Variants in BRCA2 observed in about 807,000 individuals in gnomAD.
BRCA2 encodes the protein breast cancer type 2 susceptibility protein.
A neutral mutation model predicts 276.7 loss-of-function variants in BRCA2; 203 were observed. The observed-to-expected ratio is 0.73, with a 90% CI of 0.65 to 0.82. The LOEUF is 0.82. BRCA2 is among the 40% of genes least tolerant of loss of function. The pLI is 0.00. For synonymous variants in BRCA2, 1,289 were observed against 1,338.4 expected (o/e 0.96, Z 0.81); for missense variants, 3,920 against 3,915.0 (o/e 1.00, Z -0.03).
intron 2 of BRCA2, among the ~76,000 whole-genome samples, chr13:32,318,737 C>T (rs1051231640): frequency 1.3e-5 from 2 of 151,988 alleles, no homozygotes; most frequent in East Asian, 1.9e-4. Flanking sequence ...CGCACCTGGC[C>T]GAATTTTATC....
chr13:32,364,136 T>C (rs998579073), intron 18 of BRCA2, among the ~76,000 whole-genome samples: 1 of 152,242 alleles, frequency 6.6e-6, no homozygotes, highest in Non-Finnish European at 1.5e-5. Context: ...CATGTTGGAT[T>C]GATTGCTTTT....
Position 32,398,353 on chromosome 13 carries a change from T to C in BRCA2, c.9840T>C (p.Pro3280=). ...ATTTCTTGAGTAGACTGCCTTTACC[T>C]CCACCTGTTAGTCCCATTTGTACAT... ...ALDFLSRLPL[P]PPVSPICTFV... Residue 3280 remains proline, a synonymous_variant, in exon 27 of 27, where the codon CCT becomes CCC. Coordinates refer to ENST00000380152, the MANE Select transcript of BRCA2 (RefSeq NM_000059.4). 6.2e-7 allele frequency: 1 copy of C among 1,614,118 alleles called. No homozygotes were observed. The highest frequency in any genetic ancestry group is 8.5e-7 in the Non-Finnish European group (1 of 1,180,008).
Position 32,338,699 on chromosome 13 carries a change from T to G in BRCA2, c.4344T>G (p.Asn1448Lys), listed in dbSNP as rs1064793724. The change falls in exon 11 of 27, where the codon AAT becomes AAG. Residue 1448 changes from asparagine to lysine, a missense_variant. Transcript: ENST00000380152. ...AAGAGTCATTTAATAAAATTGTAAA[T>G]TTCTTTGATCAGAAACCAGAAGAAT... ...VAKESFNKIV[N>K]FFDQKPEELH... is the part of the protein sequence containing the mutation. The G allele has an allele frequency of 6.3e-7, 1 of 1,591,940 alleles. No individual in the cohort carries two copies. The highest frequency in any genetic ancestry group is 1.7e-5 in the Admixed American group (1 of 57,630).
chr13:32,319,615 C>G (rs1265951581), intron 3 of BRCA2, among the ~76,000 whole-genome samples: 1 of 152,112 alleles, frequency 6.6e-6, no homozygotes, highest in Non-Finnish European at 1.5e-5. Context: ...AAACCTAGGA[C>G]TTGTTTTGAT....
rs565655451 is a variant in BRCA2 at position 32,358,062 on chromosome 13, T to C, written c.7805+133T>C. 1.5e-5 allele frequency: 14 copies of C among 913,792 alleles called. No homozygotes were observed. In the African/African-American group the frequency reaches 2.0e-4, roughly 13 times the overall value. The allele number at this position is 913,792 out of a possible 1,614,324, so 56.6% of individuals were successfully genotyped here. A position where few individuals can be genotyped will look rare whatever the true frequency, so the allele number is the denominator to read the frequency against. On this transcript the variant is annotated intron_variant, in intron 16 of 26. Transcript: ENST00000380152. ...ATGCATTTAATTGTTTTAAGTGCAT[T>C]ATGGTTAAGCATTCTGTAGAAGTCT...
chr13:32,382,648 A>G (rs1327147228), intron 24 of BRCA2, among the ~76,000 whole-genome samples: 1 of 152,230 alleles, frequency 6.6e-6, no homozygotes, highest in Non-Finnish European at 1.5e-5. Context: ...GAATATAGGC[A>G]TTTCAAGGAT....
intron 11 of BRCA2, 47 bp downstream of exon 11, chr13:32,341,243 AGT>A (rs772211953): frequency 6.2e-7 from 1 of 1,611,544 alleles, no homozygotes; most frequent in Non-Finnish European, 8.5e-7. Context: ...CTATTTTTAA[AGT>A]GTTTATTCAG....
rs1566241850 is a variant in BRCA2, at chr13:32,356,436, A to G, written c.7444A>G (p.Thr2482Ala). Residue 2482 changes from threonine to alanine, a missense_variant, in exon 15 of 27, where the codon ACA (threonine) becomes GCA (alanine). Thr to Ala is a moderately conservative substitution (Grantham distance 58, BLOSUM62 0). Around this residue, in one of 2 missense-constraint regions of BRCA2, gnomAD observed 3,263 missense variants for 3,156.9 expected, o/e 1.03. Coordinates refer to ENST00000380152, the MANE Select transcript of BRCA2 (RefSeq NM_000059.4). ...TATTTATTCTTTGATAGATTTAATT[A>G]CAAGTCTTCAGAATGCCAGAGATAT... ...KCEEEPLDLI[T>A]SLQNARDIQD... 2 of 1,613,362 alleles carry G rather than the reference A, an allele frequency of 1.2e-6. No homozygotes were observed. The highest frequency in any genetic ancestry group is 8.5e-7 in the Non-Finnish European group (1 of 1,179,294).
At chr13:32,385,853 C>G (rs186925419) in intron 24 of BRCA2, 1 of 161,592 alleles carries the variant, frequency 6.2e-6, no homozygotes, top group East Asian at 1.8e-4. Context: ...CAAAAGAAAT[C>G]TGATGTCAGT....
At chr13:32,315,896 G>T (rs1223024191) in intron 1 of BRCA2, among the ~76,000 whole-genome samples, 2 of 152,216 alleles carry the variant, frequency 1.3e-5, no homozygotes, top group Non-Finnish European at 2.9e-5. Flanking sequence ...CTCCGGCCCG[G>T]CCTTTGGGCT....
intron 20 of BRCA2, chr13:32,375,423 T>A: frequency 2.3e-6 from 1 of 443,384 alleles, no homozygotes; most frequent in Non-Finnish European, 4.5e-6. Flanking sequence ...TTGTTAATGT[T>A]GATATTTTGA....
Position 32,325,741 on chromosome 13 carries a change from C to T in BRCA2, c.426-360C>T, listed in dbSNP as rs206071. On this transcript the variant is annotated intron_variant, in intron 4 of 26. Coordinates refer to ENST00000380152, the MANE Select transcript of BRCA2 (RefSeq NM_000059.4). The stretch of plus-strand genomic sequence containing the variant: ...ATTTTTAGTAGAGACGGGGTTTCAC[C>T]GTGTTAGCTAGGATGGTCTCGATTT... Among the ~76,000 whole-genome samples the T allele has an allele frequency of 0.98, 148,769 of 152,030 alleles. 72,876 individuals are homozygous for T. The highest frequency in any genetic ancestry group is 1 in the East Asian group (5,157 of 5,158).
intron 21 of BRCA2, 110 bp downstream of exon 21, chr13:32,376,901 T>C (rs1208140674): frequency 6.9e-7 from 1 of 1,447,208 alleles, no homozygotes; most frequent in Non-Finnish European, 9.5e-7. Flanking sequence ...GCTGCATTTC[T>C]CAAAAGGGAT....
At chr13:32,370,865 T>C in intron 19 of BRCA2, 91 bp from the exon 20 acceptor site, 1 of 1,523,294 alleles carries the variant, frequency 6.6e-7, no homozygotes, top group Non-Finnish European at 9.1e-7. Context: ...AGTTCTGGGA[T>C]TACAGATGTG....
chr13:32,317,629 T>C lies in BRCA2; in HGVS notation c.67+1102T>C, dbSNP rs11571578. Among the ~76,000 whole-genome samples the C allele has an allele frequency of 8.6e-3, 1,310 of 152,316 alleles. 17 individuals are homozygous for C. The highest frequency in any genetic ancestry group is 0.03 in the African/African-American group (1,265 of 41,562). Reference sequence around the variant, plus strand: ...TACAAAGTTTCCAAATATTGATAAATTGCATTAAACTATTTTAAAAATCTC... The same window carrying C: ...TACAAAGTTTCCAAATATTGATAAACTGCATTAAACTATTTTAAAAATCTC... On this transcript the variant is annotated intron_variant, in intron 2 of 26. Transcript: ENST00000380152.
chr13:32,386,129 C>A, intron 24 of BRCA2: 1 of 160,920 alleles, frequency 6.2e-6, no homozygotes. Flanking sequence ...ATATTGACCA[C>A]TTTCATATTT....
intron 21 of BRCA2, 68 bp from the exon 22 acceptor site, chr13:32,379,249 T>A: frequency 6.7e-7 from 1 of 1,492,978 alleles, no homozygotes; most frequent in East Asian, 2.3e-5. Context: ...TTTAAAGCCA[T>A]CTAGTTACAA....
Position 32,340,995 on chromosome 13 carries a change from A to G in BRCA2, c.6640A>G (p.Thr2214Ala), listed in dbSNP as rs377200598. ...PVKTNIEVCSTYSKDSENYFE... is the reference protein window; with the variant it reads ...PVKTNIEVCSAYSKDSENYFE... ...GAAAACAAATATAGAAGTTTGTTCT[A>G]CTTACTCCAAAGATTCAGAAAACTA... The change falls in exon 11 of 27, where the codon ACT becomes GCT. Residue 2214 changes from threonine to alanine, a missense_variant. Around this residue, in one of 2 missense-constraint regions of BRCA2, gnomAD observed 3,263 missense variants for 3,156.9 expected, o/e 1.03. Coordinates refer to ENST00000380152, the MANE Select transcript of BRCA2 (RefSeq NM_000059.4). 2 of 1,612,154 alleles carry G rather than the reference A, an allele frequency of 1.2e-6. No homozygotes were observed. The highest frequency in any genetic ancestry group is 2.2e-5 in the East Asian group (1 of 44,812).
chr13:32,318,424 T>C (rs774000269), intron 2 of BRCA2, among the ~76,000 whole-genome samples: 14 of 152,046 alleles, frequency 9.2e-5, no homozygotes, highest in Admixed American at 1.3e-4. Flanking sequence ...TTTTTGAATT[T>C]TATCTGTGGA....
Sources: gnomAD v4.1 joint callset for allele counts (sites outside exome capture counted in the v4.1 genomes callset) on GRCh38, gnomAD v4.1.1 for gene constraint, gnomAD v4.1.1 regional missense constraint, MANE v1.5 for transcripts, NCBI Gene and HGNC (gene_info 2026-07-23, HGNC 2026-07-21) for gene names.